The following TIGD6 variants were observed in gnomAD, a reference collection of about 807,000 sequenced individuals.
TIGD6 encodes tigger transposable element derived 6, also known as tigger transposable element-derived protein 6.
Under a neutral mutation model 2.6 loss-of-function variants are expected in TIGD6, and 1 was observed. The observed-to-expected ratio is 0.39, with a 90% CI of 0.14 to 1.85. TIGD6 has a LOEUF of 1.85. Among genes scored for constraint, TIGD6 ranks in the 40% most tolerant of loss-of-function variants. The pLI is 0.32. For synonymous variants in TIGD6, 193 were observed against 221.9 expected (o/e 0.87, Z 1.16); for missense variants, 601 against 634.2 (o/e 0.95, Z 0.56).
chr5:149,997,822 G>T (rs564281689), intron 1 of TIGD6, among the ~76,000 whole-genome samples: 1 of 152,054 alleles, frequency 6.6e-6, no homozygotes, highest in African/African-American at 2.4e-5. Context: ...TTAGCCGGGC[G>T]TGGTGGCGGG....
chr5:149,995,937 C>G lies in TIGD6; in HGVS notation c.412G>C (p.Val138Leu). The G allele has an allele frequency of 6.2e-7, 1 of 1,613,626 alleles. No homozygotes were observed. Among genetic ancestry groups the G allele is most frequent in the Non-Finnish European group, 8.5e-7 (1 of 1,180,042 alleles). The stretch of plus-strand genomic sequence containing the variant: ...AACCTGTCACTATCTTCTCTACAGA[C>G]TGCTTTCAAAGCAATTCCGTGGCGA... ...RDRHGIALKA[V>L]CREDSDRLMN... Residue 138 changes from valine (V) to leucine (L), a missense_variant, in exon 2 of 2, where the codon GTC becomes CTC. Coordinates refer to ENST00000296736, the MANE Select transcript of TIGD6 (RefSeq NM_030953.4).
chr5:150,000,505 A>C lies in TIGD6; in HGVS notation c.-113T>G, dbSNP rs1319468188. On this transcript the variant is annotated 5_prime_UTR_variant, in exon 1 of 2. Coordinates refer to ENST00000296736, the MANE Select transcript of TIGD6 (RefSeq NM_030953.4). ...GCCCCACAGCAGTGCCCGGGGGCTGAGCGGCCGGGGCGTCCCACCGCCGGC... is the reference window on the plus strand; with the variant it reads ...GCCCCACAGCAGTGCCCGGGGGCTGCGCGGCCGGGGCGTCCCACCGCCGGC... The C allele has an allele frequency of 6.5e-6, 1 of 154,560 alleles. No homozygotes were observed. The highest frequency in any genetic ancestry group is 1.5e-5 in the Non-Finnish European group (1 of 68,478). 9.6% of individuals were successfully genotyped at this position (154,560 alleles called of 1,614,324 possible).
Position 149,996,083 on chromosome 5 carries a change from A to G in TIGD6, c.266T>C (p.Ile89Thr), listed in dbSNP as rs1174206568. ...AGTCACAAGAATGTTTTTGGCATGG[A>G]TTTCTTGAAACCAAGCAAAAACAGC... The part of the protein sequence containing the change: ...DKAVFAWFQE[I>T]HAKNILVTGS... The change falls in exon 2 of 2, where the codon ATC becomes ACC. Residue 89 changes from isoleucine (I) to threonine (T), a missense_variant. Transcript: ENST00000296736. 2 of 1,613,984 alleles carry G rather than the reference A, an allele frequency of 1.2e-6. No homozygotes were observed. The highest frequency in any genetic ancestry group is 1.7e-6 in the Non-Finnish European group (2 of 1,180,024).
rs1182523970 is a variant in TIGD6 at position 149,995,538 on chromosome 5, T to C, written c.811A>G (p.Arg271Gly). 6.2e-7 allele frequency: 1 copy of C among 1,614,260 alleles called. No homozygotes were observed. Among genetic ancestry groups the C allele is most frequent in the South Asian group, 1.1e-5 (1 of 91,092 alleles). ...ATCCGGCGTTCCGCCCTCTTCATCC[T>C]GGCATCCACTTGCATCAGCCACTCA... ...FNEWLMQVDA[R>G]MKRAERRILL... Residue 271 changes from arginine (R) to glycine (G), a missense_variant, in exon 2 of 2, where the codon AGG (arginine) becomes GGG (glycine). By Grantham distance (125) the Arg-to-Gly change is moderately radical. Coordinates refer to ENST00000296736, the MANE Select transcript of TIGD6 (RefSeq NM_030953.4).
At chr5:149,997,729 G>A (rs1325460593) in intron 1 of TIGD6, among the ~76,000 whole-genome samples, 4 of 151,780 alleles carry the variant, frequency 2.6e-5, no homozygotes, top group African/African-American at 7.3e-5. Flanking sequence ...GGAGGCCGAC[G>A]CGTGTGGATC....
rs1296172652 is a variant in TIGD6, at chr5:149,993,900, T to C, written c.*883A>G. ...CCACTGCATTCCAGCCTAGGCAATA[T>C]AACAAGACCCCATCTTTAAAAACAA... On this transcript the variant is annotated 3_prime_UTR_variant, in exon 2 of 2. Coordinates refer to ENST00000296736, the MANE Select transcript of TIGD6 (RefSeq NM_030953.4). 2 of 151,728 alleles carry C rather than the reference T, an allele frequency of 1.3e-5. No homozygotes were observed. Among genetic ancestry groups the C allele is most frequent in the Non-Finnish European group, 2.9e-5 (2 of 68,102 alleles). The allele number at this position is 151,728 out of a possible 1,614,324, so 9.4% of individuals were successfully genotyped here.
intron 1 of TIGD6, among the ~76,000 whole-genome samples, chr5:149,997,613 A>C (rs1355081761): frequency 6.6e-6 from 1 of 151,982 alleles, no homozygotes; most frequent in Non-Finnish European, 1.5e-5. Context: ...GGGAACTGAA[A>C]TATTTGCATG....
At chr5:149,998,023 G>A (rs546130411) in intron 1 of TIGD6, among the ~76,000 whole-genome samples, 3 of 152,234 alleles carry the variant, frequency 2.0e-5, no homozygotes, top group East Asian at 3.9e-4. Context: ...CCAGCTACTC[G>A]GGAGGCAGAG....
In TIGD6 at chr5:149,994,931, A is replaced by T; in HGVS notation, c.1418T>A (p.Val473Glu). 1 of 1,612,786 alleles carries T rather than the reference A, an allele frequency of 6.2e-7. No individual in the cohort carries two copies. Among genetic ancestry groups the T allele is most frequent in the Non-Finnish European group, 8.5e-7 (1 of 1,178,960 alleles). Residue 473 changes from valine to glutamate, a missense_variant, in exon 2 of 2, where the codon GTA (valine) becomes GAA (glutamate). Physicochemically the swap from Val to Glu is moderately radical, Grantham distance 121 (BLOSUM62 -2). Coordinates refer to ENST00000296736, the MANE Select transcript of TIGD6 (RefSeq NM_030953.4). ...GGAAAGGAACTGTCTAAGTTTCTGT[A>T]CACTTGATATGGCTTCTGTGATGGT... is the stretch of plus-strand genomic sequence containing the variant. ...KVTITEAISS[V>E]QKLRQFLSTC...
At position 149,995,013 on chromosome 5, in the gene TIGD6, T is replaced by C; in HGVS notation, c.1336A>G (p.Ser446Gly). 6.2e-7 allele frequency: 1 copy of C among 1,614,124 alleles called. No homozygotes were observed. Among genetic ancestry groups the C allele is most frequent in the Non-Finnish European group, 8.5e-7 (1 of 1,179,956 alleles). The change falls in exon 2 of 2, where the codon AGT becomes GGT. Residue 446 changes from serine to glycine, a missense_variant. Physicochemically the swap from Ser to Gly is moderately conservative, Grantham distance 56 (BLOSUM62 0). Coordinates refer to ENST00000296736, the MANE Select transcript of TIGD6 (RefSeq NM_030953.4). ...CCTTCATCTTCACTTCCTGCTTCAC[T>C]GGTATTTTCGCCAGCCACCATGTCC... ...IQDMVAGENT[S>G]EAGSEDEGEV...
chr5:149,996,633 A>G (rs775514396), intron 1 of TIGD6, among the ~76,000 whole-genome samples: 2 of 152,266 alleles, frequency 1.3e-5, no homozygotes, highest in Non-Finnish European at 2.9e-5. Context: ...TAGCTTACTT[A>G]AACATTCTGA....
At chr5:149,999,258 T>C (rs747380272) in intron 1 of TIGD6, among the ~76,000 whole-genome samples, 20 of 152,320 alleles carry the variant, frequency 1.3e-4, no homozygotes, top group Non-Finnish European at 2.4e-4. Flanking sequence ...GAGAACCTAA[T>C]GGGTAAAGTT....
chr5:150,000,378 A>C (rs1218212056), intron 1 of TIGD6, 96 bp downstream of exon 1: 1 of 152,880 alleles, frequency 6.5e-6, no homozygotes, highest in Admixed American at 6.5e-5. Flanking sequence ...TGCTGAGGAG[A>C]GGGTGGTATT....
Position 149,995,993 on chromosome 5 carries a change from G to T in TIGD6, c.356C>A (p.Ala119Glu), listed in dbSNP as rs1470942704. Residue 119 changes from alanine to glutamate, a missense_variant, in exon 2 of 2, where the codon GCA (alanine) becomes GAA (glutamate). Coordinates refer to ENST00000296736, the MANE Select transcript of TIGD6 (RefSeq NM_030953.4). ...ANMLGYDNFQ[A>E]SVGWLNRFRD... ...AAATCTGTTCAGCCAGCCCACACTT[G>T]CTTGAAAATTGTCATAGCCAAGCAT... The T allele has an allele frequency of 1.2e-6, 2 of 1,610,972 alleles. No homozygotes were observed. Among genetic ancestry groups the T allele is most frequent in the East Asian group, 4.5e-5 (2 of 44,886 alleles).
At chr5:149,999,486 T>C (rs974577905) in intron 1 of TIGD6, among the ~76,000 whole-genome samples, 7 of 151,822 alleles carry the variant, frequency 4.6e-5, no homozygotes, top group Non-Finnish European at 1.0e-4. Context: ...AATAGAGAGA[T>C]GGTGAGTAGT....
At chr5:149,998,573 TC>T (rs1755454537) in intron 1 of TIGD6, among the ~76,000 whole-genome samples, 1 of 152,198 alleles carries the variant, frequency 6.6e-6, no homozygotes, top group East Asian at 1.9e-4. Context: ...AAACAAACAG[TC>T]CCCCTGCCCT....
At position 149,995,527 on chromosome 5, in the gene TIGD6, C is replaced by T; in HGVS notation, c.822G>A (p.Arg274=). ...WLMQVDARMK[R]AERRILLLID... The stretch of plus-strand genomic sequence containing the variant: ...TGAGCAAGAGGATCCGGCGTTCCGC[C>T]CTCTTCATCCTGGCATCCACTTGCA... Residue 274 remains arginine, a synonymous_variant, in exon 2 of 2, where the codon AGG becomes AGA. Transcript: ENST00000296736. The T allele has an allele frequency of 6.2e-7, 1 of 1,614,234 alleles. No individual in the cohort carries two copies. Among genetic ancestry groups the T allele is most frequent in the Non-Finnish European group, 8.5e-7 (1 of 1,180,046 alleles).
intron 1 of TIGD6, among the ~76,000 whole-genome samples, chr5:149,999,673 C>T (rs1240406059): frequency 2.6e-5 from 4 of 152,170 alleles, no homozygotes; most frequent in Non-Finnish European, 5.9e-5. Flanking sequence ...AAGCACTTTA[C>T]TTGCTTAATA....
chr5:149,999,292 A>C (rs1322018321), intron 1 of TIGD6, among the ~76,000 whole-genome samples: 2 of 152,200 alleles, frequency 1.3e-5, no homozygotes, highest in Non-Finnish European at 2.9e-5. Context: ...GATGGCCTTA[A>C]ATCTGAAGAT....
Sources: allele counts gnomAD v4.1 joint callset (sites outside exome capture counted in the v4.1 genomes callset), GRCh38; gene constraint gnomAD v4.1.1; transcripts MANE v1.5; gene names NCBI Gene and HGNC (gene_info 2026-07-23, HGNC 2026-07-21).